Variants in MYRFL observed in about 807,000 individuals in gnomAD.
MYRFL encodes the protein myelin regulatory factor-like protein.
MYRFL carries 88 observed loss-of-function variants against 109.4 expected under a neutral mutation model. The ratio of observed to expected loss-of-function variants is 0.80; its 90% confidence interval spans 0.68 to 0.96. MYRFL has a LOEUF of 0.96. Among genes scored for constraint, MYRFL ranks in the 40% least tolerant of loss-of-function variants. The probability of loss-of-function intolerance (pLI) is 0.00; values close to 1 mark genes in which losing one functional copy is unlikely to be tolerated. For missense variants in MYRFL, 957 were observed against 954.9 expected (o/e 1.00, Z -0.03); for synonymous variants, 324 against 320.9 (o/e 1.01, Z -0.10).
At position 69,949,773 on chromosome 12, in the gene MYRFL, G is replaced by T. The variant is rs549247648; in HGVS notation, c.2225-2340G>T. On this transcript the variant is annotated intron_variant, in intron 19 of 24. Transcript: ENST00000552032. ...CAGAAGACTGGACACCCCTGCCTTA[G>T]ACTTTAAGCTCAATTTTTTTCCTAC... Among the ~76,000 whole-genome samples the T allele has an allele frequency of 4.1e-4, 63 of 152,070 alleles. No individual in the cohort carries two copies. In the South Asian group the frequency reaches 0.013, roughly 31 times the overall value.
intron 15 of MYRFL, among the ~76,000 whole-genome samples, chr12:69,931,867 G>A (rs1418593848): frequency 2.6e-5 from 4 of 152,010 alleles, no homozygotes; most frequent in African/African-American, 7.3e-5. Context: ...TCTCATTCAC[G>A]TCCTGGAGAC....
intron 13 of MYRFL, among the ~76,000 whole-genome samples, chr12:69,921,423 G>C (rs957249002): frequency 6.6e-6 from 1 of 152,094 alleles, no homozygotes; most frequent in African/African-American, 2.4e-5. Flanking sequence ...ATGGGTTCTT[G>C]GTTCAAATCT....
In MYRFL at chr12:69,926,651, G is replaced by A; in HGVS notation, c.1683G>A (p.Glu561=). The A allele has an allele frequency of 2.6e-6, 4 of 1,530,288 alleles. No homozygotes were observed. Among genetic ancestry groups the A allele is most frequent in the African/African-American group, 1.4e-5 (1 of 72,998 alleles). 94.8% of individuals were successfully genotyped at this position (1,530,288 alleles called of 1,614,324 possible). A position where few individuals can be genotyped will look rare whatever the true frequency, so the allele number is the denominator to read the frequency against. ...ACAACCTTGAGGAAAGAATAGAAGA[G>A]TTAGAAATATGGAACAGAAAGCTGG... The part of the protein sequence containing the change: ...LTNNLEERIE[E]LEIWNRKLAR... Residue 561 remains glutamate, a synonymous_variant, in exon 14 of 25, where the codon GAG becomes GAA. Coordinates refer to ENST00000552032, the MANE Select transcript of MYRFL (RefSeq NM_182530.3).
At chr12:69,834,255 C>T (rs935079353) in intron 1 of MYRFL, among the ~76,000 whole-genome samples, 2 of 152,134 alleles carry the variant, frequency 1.3e-5, no homozygotes, top group African/African-American at 4.8e-5. Context: ...AAACAAATGT[C>T]ATATATGGCA....
chr12:69,903,176 CATAAAT>C (rs1182009928), intron 10 of MYRFL, among the ~76,000 whole-genome samples: 1 of 152,096 alleles, frequency 6.6e-6, no homozygotes, highest in Non-Finnish European at 1.5e-5. Context: ...TGTATGAAAT[CATAAAT>C]ATAAAAGCAT....
intron 19 of MYRFL, among the ~76,000 whole-genome samples, chr12:69,948,062 A>G (rs1955883994): frequency 6.6e-6 from 1 of 152,164 alleles, no homozygotes; most frequent in African/African-American, 2.4e-5. Flanking sequence ...TACTATATGA[A>G]GCTTATAATG....
At chr12:69,926,117 CTTTTTTTTTTT>C (rs147973443) in intron 13 of MYRFL, among the ~76,000 whole-genome samples, 1 of 84,852 alleles carries the variant, frequency 1.2e-5, no homozygotes, top group Admixed American at 1.3e-4. Context: ...TCTTCTTCTT[CTTTTTTTTTTT>C]TTTTTTTTTT....
chr12:69,880,712 T>C (rs947853211), intron 5 of MYRFL, among the ~76,000 whole-genome samples: 6 of 152,190 alleles, frequency 3.9e-5, no homozygotes, highest in African/African-American at 1.4e-4. Flanking sequence ...ATTCAGTCTC[T>C]AGGGTCTGAG....
At chr12:69,894,887 T>A (rs939169239) in intron 8 of MYRFL, among the ~76,000 whole-genome samples, 1 of 152,216 alleles carries the variant, frequency 6.6e-6, no homozygotes, top group African/African-American at 2.4e-5. Context: ...TGCATCTGGT[T>A]CTCCCTTGTC....
intron 2 of MYRFL, among the ~76,000 whole-genome samples, chr12:69,863,357 T>G (rs1188199023): frequency 6.6e-6 from 1 of 152,222 alleles, no homozygotes; most frequent in Non-Finnish European, 1.5e-5. Flanking sequence ...CTGGTAGAAT[T>G]CGGCTGTGAA....
chr12:69,909,890 G>A, intron 11 of MYRFL, 79 bp from the exon 12 acceptor site: 1 of 967,944 alleles, frequency 1.0e-6, no homozygotes, highest in Non-Finnish European at 1.5e-6. Context: ...ATTCAGTGAT[G>A]TCTCTGGGTC....
intron 5 of MYRFL, among the ~76,000 whole-genome samples, chr12:69,882,882 A>G (rs896488761): frequency 2.6e-5 from 4 of 152,240 alleles, no homozygotes; most frequent in African/African-American, 9.6e-5. Context: ...TTCACACTGT[A>G]GCATCAGAAA....
chr12:69,830,338 T>G (rs1882553563), intron 1 of MYRFL, among the ~76,000 whole-genome samples: 1 of 151,186 alleles, frequency 6.6e-6, no homozygotes, highest in African/African-American at 2.4e-5. Flanking sequence ...CTACCTTCTG[T>G]TTTTTGAAAG....
At chr12:69,924,591 G>A (rs1470009979) in intron 13 of MYRFL, among the ~76,000 whole-genome samples, 1 of 152,154 alleles carries the variant, frequency 6.6e-6, no homozygotes, top group Non-Finnish European at 1.5e-5. Flanking sequence ...ACTCCTAGAA[G>A]TGGGTGTACT....
intron 2 of MYRFL, among the ~76,000 whole-genome samples, chr12:69,866,748 T>C (rs908734388): frequency 5.3e-5 from 8 of 152,194 alleles, no homozygotes; most frequent in African/African-American, 1.9e-4. Context: ...AGATCTTAAA[T>C]ATATTAAAAC....
chr12:69,865,751 A>G (rs1233947412), intron 2 of MYRFL, among the ~76,000 whole-genome samples: 2 of 152,146 alleles, frequency 1.3e-5, no homozygotes, highest in African/African-American at 4.8e-5. Context: ...CAGACCAGAA[A>G]TATCTACCCA....
intron 19 of MYRFL, among the ~76,000 whole-genome samples, chr12:69,937,631 T>C (rs1428425734): frequency 6.6e-6 from 1 of 152,230 alleles, no homozygotes; most frequent in Non-Finnish European, 1.5e-5. Flanking sequence ...TATACTTCAT[T>C]GGCCAAAGCA....
intron 9 of MYRFL, among the ~76,000 whole-genome samples, 152 bp from the exon 10 acceptor site, chr12:69,897,004 G>C (rs182687314): frequency 1.1e-3 from 165 of 152,340 alleles, no homozygotes; most frequent in African/African-American, 3.9e-3. Flanking sequence ...TCACTGGGGG[G>C]ACAACTTAGA....
intron 11 of MYRFL, chr12:69,904,347 C>A (rs1954286560): frequency 6.5e-6 from 1 of 153,044 alleles, no homozygotes; most frequent in East Asian, 1.9e-4. Flanking sequence ...TCCTCCTCCT[C>A]ATCCCTTACT....
Sources: allele counts gnomAD v4.1 joint callset (sites outside exome capture counted in the v4.1 genomes callset), GRCh38; gene constraint gnomAD v4.1.1; transcripts MANE v1.5; gene names NCBI Gene and HGNC (gene_info 2026-07-23, HGNC 2026-07-21).